The following SLCO2B1 variants were observed in gnomAD, a reference collection of about 807,000 sequenced individuals.
SLCO2B1 encodes the protein solute carrier organic anion transporter family member 2B1.
Under a neutral mutation model 67.3 loss-of-function variants are expected in SLCO2B1, and 41 were observed. That is an observed-to-expected ratio of 0.61 (90% CI 0.47 to 0.79). The LOEUF (loss-of-function observed/expected upper bound fraction) is 0.79. Ranked by LOEUF, SLCO2B1 falls within the 30% of genes least tolerant of loss-of-function variation. The pLI is 0.00. For missense variants in SLCO2B1, 837 were observed against 920.1 expected (o/e 0.91, Z 1.17); for synonymous variants, 379 against 381.4 (o/e 0.99, Z 0.07).
In SLCO2B1 at chr11:75,172,382, G is replaced by A; in HGVS notation, c.785G>A (p.Gly262Asp). The A allele has an allele frequency of 6.2e-7, 1 of 1,613,108 alleles. No homozygotes were observed. Among genetic ancestry groups the A allele is most frequent in the East Asian group, 2.2e-5 (1 of 44,860 alleles). The change falls in exon 7 of 14, where the codon GGT (glycine) becomes GAT (aspartate). Residue 262 changes from glycine to aspartate, a missense_variant. Transcript: ENST00000289575. Reference sequence around the variant, plus strand: ...TCACCATGCTCTTCTCTTCCAGGTGGTATCAGCCTGACCATAAAGGACCCC... The same window carrying A: ...TCACCATGCTCTTCTCTTCCAGGTGATATCAGCCTGACCATAAAGGACCCC... ...YVDINQMPEG[G>D]ISLTIKDPRW...
At chr11:75,159,524 C>T (rs1949788181) in intron 1 of SLCO2B1, among the ~76,000 whole-genome samples, 1 of 152,234 alleles carries the variant, frequency 6.6e-6, no homozygotes, top group Non-Finnish European at 1.5e-5. Context: ...GGAGGACACG[C>T]AGTCCTGGAC....
intron 8 of SLCO2B1, among the ~76,000 whole-genome samples, chr11:75,191,573 G>A (rs948466436): frequency 5.9e-5 from 9 of 152,094 alleles, no homozygotes; most frequent in African/African-American, 2.2e-4. Flanking sequence ...CTGGCCCAGG[G>A]GGCTAGGGAA....
intron 3 of SLCO2B1, 141 bp from the exon 4 acceptor site, chr11:75,165,646 C>A: frequency 1.0e-6 from 1 of 997,848 alleles, no homozygotes; most frequent in Non-Finnish European, 1.5e-6. Context: ...CCGAGGGGGA[C>A]CCAGGAGAGG....
intron 7 of SLCO2B1, among the ~76,000 whole-genome samples, chr11:75,181,200 C>G (rs1397146916): frequency 6.6e-6 from 1 of 151,954 alleles, no homozygotes; most frequent in Admixed American, 6.6e-5. Flanking sequence ...GAAACCCTGT[C>G]TCTACTAAAA....
rs117168667 is a variant in SLCO2B1 at position 75,168,422 on chromosome 11, C to T, written c.449-751C>T. On this transcript the variant is annotated intron_variant, in intron 4 of 13. Transcript: ENST00000289575. The stretch of plus-strand genomic sequence containing the variant: ...TAAATGGAGGGCCGCAGAGAGAAGG[C>T]TGCTTCTACAGCCACATTTGGGATA... Among the ~76,000 whole-genome samples the T allele has an allele frequency of 2.6e-4, 39 of 152,320 alleles. No homozygotes were observed. The East Asian group carries it at 7.3e-3, about 29-fold the overall frequency.
chr11:75,187,315 T>A (rs768460728), intron 7 of SLCO2B1, among the ~76,000 whole-genome samples: 1 of 152,156 alleles, frequency 6.6e-6, no homozygotes, highest in Non-Finnish European at 1.5e-5. Flanking sequence ...CCCCTCTTTT[T>A]CAAGAGTTGC....
intron 4 of SLCO2B1, among the ~76,000 whole-genome samples, chr11:75,166,794 T>C (rs1949898179): frequency 1.3e-5 from 2 of 152,028 alleles, no homozygotes; most frequent in South Asian, 4.2e-4. Context: ...CAAAAAACAA[T>C]TGTGTGAGGA....
chr11:75,163,825 T>C, intron 2 of SLCO2B1, 138 bp from the exon 3 acceptor site: 2 of 940,216 alleles, frequency 2.1e-6, no homozygotes, highest in South Asian at 3.4e-5. Context: ...TCTCTTCTGT[T>C]GGTCACTCTC....
chr11:75,202,196 C>T (rs936968496), intron 11 of SLCO2B1: 2 of 152,194 alleles, frequency 1.3e-5, no homozygotes, highest in Non-Finnish European at 2.9e-5. Flanking sequence ...AATGGAGCCT[C>T]TTGCAAATAC....
intron 1 of SLCO2B1, among the ~76,000 whole-genome samples, chr11:75,154,904 T>C (rs921882156): frequency 6.6e-6 from 1 of 152,178 alleles, no homozygotes; most frequent in Non-Finnish European, 1.5e-5. Context: ...TGGGACCACA[T>C]GGAGGGAACA....
chr11:75,155,534 T>G (rs946480062), intron 1 of SLCO2B1, among the ~76,000 whole-genome samples: 1 of 152,210 alleles, frequency 6.6e-6, no homozygotes, highest in African/African-American at 2.4e-5. Flanking sequence ...CTCGGCTCAC[T>G]GCACCCTCGG....
At position 75,181,106 on chromosome 11, in the gene SLCO2B1, C is replaced by T. The variant is rs1424358904; in HGVS notation, c.973-7030C>T. On this transcript the variant is annotated intron_variant, in intron 7 of 13. Transcript: ENST00000289575. ...AGCCAGGGCCGGTTGCCGTGGCTCA[C>T]ACCTGTAATCCCAGCACTTTGGGAG... 2.0e-5 allele frequency among the ~76,000 whole-genome samples: 3 copies of T among 152,094 alleles called. No homozygotes were observed. The East Asian group carries it at 5.8e-4, about 29-fold the overall frequency.
chr11:75,177,960 G>T (rs1245400247), intron 7 of SLCO2B1, among the ~76,000 whole-genome samples: 1 of 152,048 alleles, frequency 6.6e-6, no homozygotes, highest in Non-Finnish European at 1.5e-5. Context: ...TGGGCATGAT[G>T]GTGGGCACCT....
At position 75,193,159 on chromosome 11, in the gene SLCO2B1, G is replaced by A; in HGVS notation, c.1076-59G>A. 1.5e-6 allele frequency: 2 copies of A among 1,307,620 alleles called. No individual in the cohort carries two copies. The highest frequency in any genetic ancestry group is 2.3e-5 in the East Asian group (1 of 43,126). The allele number at this position is 1,307,620 out of a possible 1,614,324, so 81.0% of individuals were successfully genotyped here. A position where few individuals can be genotyped will look rare whatever the true frequency, so the allele number is the denominator to read the frequency against. On this transcript the variant is annotated intron_variant, in intron 8 of 13. Coordinates refer to ENST00000289575, the MANE Select transcript of SLCO2B1 (RefSeq NM_007256.5). The surrounding 1 kb of genome is among the most constrained non-coding windows in gnomAD (Gnocchi z 4.2). ...TTGAACTGAGCAGGGCAGGAGGGCA[G>A]TCTCTGCTGGACAGCTTGGCTGCCC... is the stretch of plus-strand genomic sequence containing the variant.
intron 6 of SLCO2B1, among the ~76,000 whole-genome samples, chr11:75,171,086 T>A (rs934434380): frequency 6.6e-6 from 1 of 151,958 alleles, no homozygotes; most frequent in African/African-American, 2.4e-5. Context: ...GCAGGGGAGA[T>A]AACAAGTAAG....
At chr11:75,165,245 G>A (rs893966104) in intron 3 of SLCO2B1, among the ~76,000 whole-genome samples, 2 of 151,930 alleles carry the variant, frequency 1.3e-5, no homozygotes, top group African/African-American at 4.8e-5. Context: ...CTGCCTGGCC[G>A]ACATGGTGAA....
rs1344892615 is a variant in SLCO2B1 at position 75,203,385 on chromosome 11, G to A, written c.1907G>A (p.Arg636Gln). The A allele has an allele frequency of 1.2e-5, 19 of 1,614,178 alleles. No individual in the cohort carries two copies. The highest frequency in any genetic ancestry group is 3.3e-5 in the South Asian group (3 of 91,088). Reference sequence around the variant, plus strand: ...CACTGGGCCCTGAGCTGTGGGCGTCGAGCTGTCTGTCGCTACTACAATAAT... The same window carrying A: ...CACTGGGCCCTGAGCTGTGGGCGTCAAGCTGTCTGTCGCTACTACAATAAT... The part of the protein sequence containing the change: ...CVHWALSCGR[R>Q]AVCRYYNNDL... The change falls in exon 13 of 14, where the codon CGA becomes CAA. Residue 636 changes from arginine to glutamine, a missense_variant. Physicochemically the swap from Arg to Gln is conservative, Grantham distance 43. Coordinates refer to ENST00000289575, the MANE Select transcript of SLCO2B1 (RefSeq NM_007256.5).
At position 75,193,443 on chromosome 11, in the gene SLCO2B1, G is replaced by A. The variant is rs773407118; in HGVS notation, c.1301G>A (p.Arg434Gln). 3.7e-6 allele frequency: 6 copies of A among 1,613,632 alleles called. No homozygotes were observed. Among genetic ancestry groups the A allele is most frequent in the Non-Finnish European group, 5.1e-6 (6 of 1,179,636 alleles). ...GIVVGGVLVKRLHLGPVGCGA... is the reference protein window; with the variant it reads ...GIVVGGVLVKQLHLGPVGCGA... The stretch of plus-strand genomic sequence containing the variant: ...GTGGTGGGTGGCGTCCTGGTCAAGC[G>A]GCTCCACCTGGGCCCTGTGGGATGC... The change falls in exon 9 of 14, where the codon CGG becomes CAG. Residue 434 changes from arginine to glutamine, a missense_variant. Transcript: ENST00000289575. This position sits in a 1 kb window ranked among gnomAD's most constrained non-coding sequence, Gnocchi z 4.2.
chr11:75,181,181 CAACA>C (rs1950087456), intron 7 of SLCO2B1, among the ~76,000 whole-genome samples: 1 of 151,908 alleles, frequency 6.6e-6, no homozygotes. Flanking sequence ...CCTGCCTGGC[CAACA>C]TGGAGAAACC....
Sources: gnomAD v4.1 joint callset for allele counts (sites outside exome capture counted in the v4.1 genomes callset) on GRCh38, gnomAD v4.1.1 for gene constraint, Gnocchi (gnomAD v3.1) non-coding constraint, MANE v1.5 for transcripts, NCBI Gene and HGNC (gene_info 2026-07-23, HGNC 2026-07-21) for gene names.